IGSF11: variants seen among roughly 807,000 people sequenced by gnomAD.
IGSF11 encodes CXADR like 1.
Under a neutral mutation model 41.0 loss-of-function variants are expected in IGSF11, and 22 were observed. That is an observed-to-expected ratio of 0.54 (90% CI 0.38 to 0.77). The LOEUF is 0.77. Ranked by LOEUF, IGSF11 falls within the 30% of genes least tolerant of loss-of-function variation. The pLI, the probability that IGSF11 is intolerant of heterozygous loss-of-function variation, is 0.00. For synonymous variants in IGSF11, 219 were observed against 201.3 expected (o/e 1.09, Z -0.74); for missense variants, 444 against 530.8 (o/e 0.84, Z 1.61).
At chr3:119,038,929 T>C (rs1034770578), upstream of IGSF11, among the ~76,000 whole-genome samples, 2 of 152,212 alleles carry the variant, frequency 1.3e-5, no homozygotes, top group East Asian at 3.8e-4. Flanking sequence ...TATATATTTT[T>C]ATAATCTTAA....
At chr3:119,058,340 A>G (rs1290624824) in intron 1 of IGSF11, among the ~76,000 whole-genome samples, 1 of 152,254 alleles carries the variant, frequency 6.6e-6, no homozygotes, top group Non-Finnish European at 1.5e-5. Flanking sequence ...TCCCAAAAGA[A>G]GACATTTATG....
At chr3:119,117,078 C>T (rs1253219111) in intron 1 of IGSF11, among the ~76,000 whole-genome samples, 1 of 152,048 alleles carries the variant, frequency 6.6e-6, no homozygotes, top group Non-Finnish European at 1.5e-5. Flanking sequence ...ATAACATGTC[C>T]AGCTCATGTC....
intron 1 of IGSF11, among the ~76,000 whole-genome samples, chr3:119,034,060 T>C (rs899581903): frequency 2.0e-5 from 3 of 152,212 alleles, no homozygotes; most frequent in African/African-American, 4.8e-5. Context: ...AAAATAAAGA[T>C]CATTTTCGGC....
intron 1 of IGSF11, among the ~76,000 whole-genome samples, chr3:119,071,181 C>A (rs1413033066): frequency 6.6e-6 from 1 of 152,150 alleles, no homozygotes; most frequent in Non-Finnish European, 1.5e-5. Context: ...TGAAGTCCTG[C>A]AAGACCAGGA....
intron 1 of IGSF11, among the ~76,000 whole-genome samples, chr3:119,023,789 T>C (rs967382286): frequency 1.3e-5 from 2 of 152,190 alleles, no homozygotes; most frequent in Non-Finnish European, 2.9e-5. Context: ...ACCCCCACTA[T>C]GTCAAGAGAA....
chr3:118,995,918 G>C (rs958583312), intron 1 of IGSF11, among the ~76,000 whole-genome samples: 1 of 152,204 alleles, frequency 6.6e-6, no homozygotes, highest in Non-Finnish European at 1.5e-5. Context: ...AAAGCGCTGG[G>C]ATGACAGGCG....
chr3:118,986,316 C>T (rs916202149), intron 1 of IGSF11, among the ~76,000 whole-genome samples: 8 of 152,180 alleles, frequency 5.3e-5, no homozygotes, highest in Non-Finnish European at 8.8e-5. Context: ...CATCTGTTTT[C>T]CTCATTAGAC....
At chr3:119,034,422 C>G (rs1940728704) in intron 1 of IGSF11, 109 bp downstream of exon 1, 1 of 1,137,144 alleles carries the variant, frequency 8.8e-7, no homozygotes, top group Non-Finnish European at 1.2e-6. Flanking sequence ...AAGTTGGACT[C>G]CCGACCCTCG....
intron 1 of IGSF11, among the ~76,000 whole-genome samples, chr3:119,047,316 T>C (rs1941400596): frequency 6.6e-6 from 1 of 151,742 alleles, no homozygotes; most frequent in African/African-American, 2.4e-5. Flanking sequence ...ACCAAGCAAA[T>C]GGAAAACTAA....
At chr3:119,072,537 C>A (rs921991656) in intron 1 of IGSF11, among the ~76,000 whole-genome samples, 2 of 152,110 alleles carry the variant, frequency 1.3e-5, no homozygotes, top group Non-Finnish European at 2.9e-5. Context: ...GATGTTCGGA[C>A]GTGTTCAGAC....
upstream of IGSF11, among the ~76,000 whole-genome samples, chr3:119,105,619 A>G (rs560341247): frequency 6.6e-6 from 1 of 152,210 alleles, no homozygotes; most frequent in African/African-American, 2.4e-5. Flanking sequence ...TTCTTTAGTA[A>G]TTTAAAACTT....
chr3:118,910,586 T>C (rs77878307), intron 4 of IGSF11, among the ~76,000 whole-genome samples: 112 of 152,314 alleles, frequency 7.4e-4, no homozygotes, highest in African/African-American at 2.5e-3. Flanking sequence ...AAAATGCGTA[T>C]CTGGTGATCT....
intron 1 of IGSF11, among the ~76,000 whole-genome samples, chr3:118,942,083 G>C (rs1038053382): frequency 6.6e-6 from 1 of 152,122 alleles, no homozygotes; most frequent in African/African-American, 2.4e-5. Context: ...CGAGACATTT[G>C]TCAAAACATA....
chr3:119,080,360 A>C (rs1490767966), intron 1 of IGSF11, among the ~76,000 whole-genome samples: 4 of 152,168 alleles, frequency 2.6e-5, no homozygotes, highest in African/African-American at 9.7e-5. Context: ...CAATTCTATG[A>C]TCCCTCTCAT....
At chr3:119,116,860 G>A (rs1209301878) in intron 1 of IGSF11, among the ~76,000 whole-genome samples, 4 of 152,012 alleles carry the variant, frequency 2.6e-5, no homozygotes, top group South Asian at 2.1e-4. Context: ...TACCTGAACC[G>A]ACAACCCCAC....
intron 1 of IGSF11, among the ~76,000 whole-genome samples, chr3:118,960,521 A>T (rs1945271740): frequency 6.6e-6 from 1 of 152,220 alleles, no homozygotes; most frequent in African/African-American, 2.4e-5. Context: ...ATGCAAATAT[A>T]GCTAATAAAA....
chr3:119,010,103 A>G (rs141040030), intron 1 of IGSF11, among the ~76,000 whole-genome samples: 61 of 152,318 alleles, frequency 4.0e-4, no homozygotes, highest in African/African-American at 1.4e-3. Context: ...GAGTCATCCT[A>G]TTGGCCTCCT....
At chr3:119,125,409 A>G (rs1277949867) in intron 1 of IGSF11, among the ~76,000 whole-genome samples, 1 of 152,194 alleles carries the variant, frequency 6.6e-6, no homozygotes, top group Non-Finnish European at 1.5e-5. Flanking sequence ...TGGTTCCTAC[A>G]GGTTTCAGAT....
intron 1 of IGSF11, among the ~76,000 whole-genome samples, chr3:119,020,259 C>A (rs1039471242): frequency 2.6e-5 from 4 of 152,198 alleles, no homozygotes; most frequent in African/African-American, 9.7e-5. Flanking sequence ...CTCACAAGGA[C>A]ACACAGACAC....
Sources: gnomAD v4.1 joint callset for allele counts (sites outside exome capture counted in the v4.1 genomes callset) on GRCh38, gnomAD v4.1.1 for gene constraint, MANE v1.5 for transcripts, NCBI Gene and HGNC (gene_info 2026-07-23, HGNC 2026-07-21) for gene names.